The following TAMALIN variants were observed in gnomAD, a reference collection of about 807,000 sequenced individuals.
TAMALIN encodes trafficking regulator and scaffold protein tamalin.
Under a neutral mutation model 38.5 loss-of-function variants are expected in TAMALIN, and 9 were observed. The ratio of observed to expected loss-of-function variants is 0.23; its 90% CI spans 0.14 to 0.41. The LOEUF is 0.41. Among genes scored for constraint, TAMALIN ranks in the 10% least tolerant of loss-of-function variants. The pLI is 1.00. For synonymous variants in TAMALIN, 306 were observed against 256.5 expected, an observed-to-expected ratio of 1.19 and a Z score of -1.85; for missense variants, 548 against 554.1, an observed-to-expected ratio of 0.99 and a Z score of 0.11.
rs1338861309 is a variant in TAMALIN at position 52,015,014 on chromosome 12, C to G, written c.1003C>G (p.Arg335Gly). 1 of 1,134,470 alleles carries G rather than the reference C, an allele frequency of 8.8e-7. No homozygotes were observed. Among genetic ancestry groups the G allele is most frequent in the Non-Finnish European group, 1.1e-6 (1 of 920,256 alleles). 70.3% of individuals were successfully genotyped at this position (1,134,470 alleles called of 1,614,324 possible). A position where few individuals can be genotyped will look rare whatever the true frequency, so the allele number is the denominator to read the frequency against. The part of the protein sequence containing the change: ...RAALSRSASV[R>G]CAGPGGGGGG... The stretch of plus-strand genomic sequence containing the variant: ...CGCGCTGAGCCGCAGCGCCAGTGTG[C>G]GGTGCGCGGGCCCTGGCGGGGGCGG... The change falls in exon 8 of 8, where the codon CGG becomes GGG. Residue 335 changes from arginine to glycine, a missense_variant. Physicochemically the swap from Arg to Gly is moderately radical, Grantham distance 125. Transcript: ENST00000293662.
In TAMALIN at chr12:52,014,898, C is replaced by A. The variant is rs1937757918; in HGVS notation, c.887C>A (p.Pro296Gln). 8.4e-7 allele frequency: 1 copy of A among 1,195,070 alleles called. No individual in the cohort carries two copies. Among genetic ancestry groups the A allele is most frequent in the South Asian group, 2.1e-5 (1 of 46,854 alleles). The allele number at this position is 1,195,070 out of a possible 1,614,324, so 74.0% of individuals were successfully genotyped here. Reference protein sequence around the residue: ...HTCFFGDSEPPALPPPPPPAR... With the variant: ...HTCFFGDSEPQALPPPPPPAR... ...TGCTTCTTCGGGGACTCCGAGCCGC[C>A]GGCGCTGCCGCCCCCGCCGCCCCCG... is the stretch of plus-strand genomic sequence containing the variant. The change falls in exon 8 of 8, where the codon CCG (proline) becomes CAG (glutamine). Residue 296 changes from proline to glutamine, a missense_variant. Pro to Gln is a moderately conservative substitution (Grantham distance 76, BLOSUM62 -1). Transcript: ENST00000293662.
rs1937636655 is a variant in TAMALIN at position 52,011,172 on chromosome 12, G to A, written c.454+31G>A. 6.2e-7 allele frequency: 1 copy of A among 1,607,818 alleles called. No individual in the cohort carries two copies. The highest frequency in any genetic ancestry group is 1.1e-5 in the South Asian group (1 of 91,084). On this transcript the variant is annotated intron_variant, in intron 4 of 7. Transcript: ENST00000293662. The surrounding 1 kb of genome is among the most constrained non-coding windows in gnomAD (Gnocchi z 5.3). ...GCCTGAGCCCAGGACACCCAGGTCTGGGAAGGGGATATGACCTTACTCCCA... is the reference window on the plus strand; with the variant it reads ...GCCTGAGCCCAGGACACCCAGGTCTAGGAAGGGGATATGACCTTACTCCCA...
Position 52,007,217 on chromosome 12 carries a change from G to C in TAMALIN, c.198G>C (p.Glu66Asp). The change falls in exon 1 of 8, where the codon GAG becomes GAC. Residue 66 changes from glutamate (E) to aspartate (D), a missense_variant. This residue lies in a region of TAMALIN where 128 missense variants were observed against 117.9 expected (regional missense o/e 1.09). Coordinates refer to ENST00000293662, the MANE Select transcript of TAMALIN (RefSeq NM_181711.4). The surrounding 1 kb of genome is among the most constrained non-coding windows in gnomAD (Gnocchi z 6.7). ...CGCTGGAGGACTATCACCCTGCCGAGCTGTACCGCGCGCTCGCCGTGTCCG... is the reference window on the plus strand; with the variant it reads ...CGCTGGAGGACTATCACCCTGCCGACCTGTACCGCGCGCTCGCCGTGTCCG... The part of the protein sequence containing the change: ...YAALEDYHPA[E>D]LYRALAVSGG... 6.9e-7 allele frequency: 1 copy of C among 1,452,972 alleles called. No individual in the cohort carries two copies. The highest frequency in any genetic ancestry group is 9.0e-7 in the Non-Finnish European group (1 of 1,108,920). 90.0% of individuals were successfully genotyped at this position (1,452,972 alleles called of 1,614,324 possible). A position where few individuals can be genotyped will look rare whatever the true frequency, so the allele number is the denominator to read the frequency against.
At chr12:52,012,501 G>A (rs1007880758) in intron 4 of TAMALIN, among the ~76,000 whole-genome samples, 2 of 152,100 alleles carry the variant, frequency 1.3e-5, no homozygotes, top group East Asian at 3.9e-4. Context: ...TGATCCACCC[G>A]CCTCGGCCTC....
At chr12:52,014,626 C>T in intron 7 of TAMALIN, 68 bp from the exon 8 acceptor site, 2 of 1,268,036 alleles carry the variant, frequency 1.6e-6, no homozygotes, top group South Asian at 1.6e-5. Flanking sequence ...CCCATGCCCT[C>T]CGACCCTTTG....
In TAMALIN at chr12:52,011,056, C is replaced by T. The variant is rs1344832343; in HGVS notation, c.369C>T (p.His123=). The T allele has an allele frequency of 1.2e-5, 19 of 1,613,402 alleles. 1 individual carries two copies. In the Admixed American group the frequency reaches 2.8e-4, roughly 24 times the overall value. The stretch of plus-strand genomic sequence containing the variant: ...CATTACAGACTTATGGCCTTCACCA[C>T]CGGGAGGAGCAGCGTGTGGAAATGG... ...GFEIQTYGLH[H]REEQRVEMVT... is the part of the protein sequence containing the mutation. The change falls in exon 4 of 8, where the codon CAC becomes CAT. Residue 123 remains histidine, a synonymous_variant. Transcript: ENST00000293662. This position sits in a 1 kb window ranked among gnomAD's most constrained non-coding sequence, Gnocchi z 5.3.
chr12:52,010,641 C>T (rs1942487229), intron 2 of TAMALIN: 1 of 1,087,454 alleles, frequency 9.2e-7, no homozygotes, highest in Non-Finnish European at 1.2e-6. Context: ...AGGGGACCGG[C>T]CCTTCTCTGT....
chr12:52,010,466 CG>C (rs1413346855), intron 2 of TAMALIN: 1 of 1,019,278 alleles, frequency 9.8e-7, no homozygotes, highest in East Asian at 9.2e-5. Context: ...TGCTGAGCCT[CG>C]TGACTGGCCT....
chr12:52,008,693 A>G, intron 1 of TAMALIN: 1 of 985,340 alleles, frequency 1.0e-6, no homozygotes, highest in Non-Finnish European at 1.2e-6. Context: ...CTCCCAAGCC[A>G]CTGTCTGTAG....
intron 2 of TAMALIN, chr12:52,010,635 G>A: frequency 1.8e-6 from 2 of 1,110,030 alleles, no homozygotes; most frequent in Non-Finnish European, 2.4e-6. Flanking sequence ...TCCTTCAGGG[G>A]ACCGGCCCTT....
At chr12:52,009,585 G>GCCCT (rs144307580) in intron 2 of TAMALIN, among the ~76,000 whole-genome samples, 3,856 of 152,258 alleles carry the variant, frequency 0.025, 179 homozygotes, top group African/African-American at 0.088. Flanking sequence ...GCTCCCCTGA[G>GCCCT]CCCTCCTAGC....
intron 1 of TAMALIN, chr12:52,008,052 G>A: frequency 1.0e-6 from 1 of 985,436 alleles, no homozygotes; most frequent in South Asian, 4.7e-5. Flanking sequence ...CCGGCCCCCA[G>A]CTAGCCCCCA....
At chr12:52,013,403 A>G in intron 4 of TAMALIN, 1 of 391,818 alleles carries the variant, frequency 2.6e-6, no homozygotes, top group Non-Finnish European at 4.8e-6. Context: ...GGGCAGAGTG[A>G]GGGTGTTGGG....
In TAMALIN at chr12:52,013,311, T is replaced by C. The variant is rs561666052; in HGVS notation, c.455-376T>C. 8.6e-5 allele frequency among the ~76,000 whole-genome samples: 13 copies of C among 151,782 alleles called. No homozygotes were observed. The South Asian group carries it at 1.2e-3, about 15-fold the overall frequency. Reference sequence around the variant, plus strand: ...CCAGGATGGTCTCGATCTCCTGACCTCGTGATCCGCCCGCCTCGGCCTCCC... The same window carrying C: ...CCAGGATGGTCTCGATCTCCTGACCCCGTGATCCGCCCGCCTCGGCCTCCC... On this transcript the variant is annotated intron_variant, in intron 4 of 7. Coordinates refer to ENST00000293662, the MANE Select transcript of TAMALIN (RefSeq NM_181711.4).
chr12:52,014,671 C>T (rs780743089), intron 7 of TAMALIN, 23 bp from the exon 8 acceptor site: 1 of 1,460,910 alleles, frequency 6.8e-7, no homozygotes, highest in South Asian at 1.4e-5. Flanking sequence ...GACCCGCCCC[C>T]TACCTCTCCC....
intron 2 of TAMALIN, 33 bp downstream of exon 2, chr12:52,009,272 C>A: frequency 6.2e-7 from 1 of 1,607,962 alleles, no homozygotes; most frequent in Non-Finnish European, 8.5e-7. Flanking sequence ...CTGCCATGGT[C>A]CAAAGGGGTG....
rs942687428 is a variant in TAMALIN, at chr12:52,011,161, C to T, written c.454+20C>T. The T allele has an allele frequency of 3.1e-6, 5 of 1,609,454 alleles. No homozygotes were observed. The African/African-American group carries it at 6.7e-5, about 21-fold the overall frequency. On this transcript the variant is annotated intron_variant, in intron 4 of 7. Transcript: ENST00000293662. This position sits in a 1 kb window ranked among gnomAD's most constrained non-coding sequence, Gnocchi z 5.3. Reference sequence around the variant, plus strand: ...CACCAGGTGGGGCCTGAGCCCAGGACACCCAGGTCTGGGAAGGGGATATGA... The same window carrying T: ...CACCAGGTGGGGCCTGAGCCCAGGATACCCAGGTCTGGGAAGGGGATATGA...
intron 2 of TAMALIN, 63 bp downstream of exon 2, chr12:52,009,302 G>T: frequency 6.7e-7 from 1 of 1,485,054 alleles, no homozygotes; most frequent in South Asian, 1.1e-5. Flanking sequence ...GTTGGGGGGT[G>T]CCAGGACAGC....
intron 2 of TAMALIN, chr12:52,010,635 G>C (rs1228124624): frequency 9.0e-7 from 1 of 1,109,912 alleles, no homozygotes; most frequent in African/African-American, 1.6e-5. Flanking sequence ...TCCTTCAGGG[G>C]ACCGGCCCTT....
Sources: allele counts gnomAD v4.1 joint callset (sites outside exome capture counted in the v4.1 genomes callset), GRCh38; gene constraint gnomAD v4.1.1; regional missense constraint gnomAD v4.1.1; non-coding constraint Gnocchi (gnomAD v3.1); transcripts MANE v1.5; gene names NCBI Gene and HGNC (gene_info 2026-07-23, HGNC 2026-07-21).